The following PCDH9 variants were observed in gnomAD, a reference collection of about 807,000 sequenced individuals.
PCDH9 encodes the protein protocadherin 9, also known as protocadherin-9.
In PCDH9, 24 loss-of-function variants were observed where a neutral mutation model predicts 70.6. The ratio of observed to expected loss-of-function variants is 0.34; its 90% CI spans 0.25 to 0.48. PCDH9 has a LOEUF of 0.48. PCDH9 is among the 20% of genes least tolerant of loss of function. PCDH9 has a pLI of 0.99. For missense variants in PCDH9, 1,281 were observed against 1,503.6 expected, an observed-to-expected ratio of 0.85 and a Z score of 2.45; for synonymous variants, 562 against 558.5, an observed-to-expected ratio of 1.01 and a Z score of -0.09.
At chr13:66,332,835 T>C (rs1281689981) in intron 4 of PCDH9, among the ~76,000 whole-genome samples, 1 of 151,472 alleles carries the variant, frequency 6.6e-6, no homozygotes, top group Non-Finnish European at 1.5e-5. Context: ...TATATATATA[T>C]ATAAAATCAC....
At chr13:66,369,071 G>T (rs907549219) in intron 4 of PCDH9, among the ~76,000 whole-genome samples, 9 of 152,082 alleles carry the variant, frequency 5.9e-5, no homozygotes, top group African/African-American at 1.9e-4. Context: ...AACTAAGAAA[G>T]TTCAAAGAGA....
At chr13:66,435,254 C>G (rs1298567193) in intron 4 of PCDH9, among the ~76,000 whole-genome samples, 1 of 152,058 alleles carries the variant, frequency 6.6e-6, no homozygotes, top group African/African-American at 2.4e-5. Context: ...GTGTCTATAT[C>G]TGGTTTCTTT....
chr13:66,462,589 A>G (rs1322949534), intron 4 of PCDH9, among the ~76,000 whole-genome samples: 1 of 151,806 alleles, frequency 6.6e-6, no homozygotes, highest in Non-Finnish European at 1.5e-5. Context: ...CTAGCCCTGG[A>G]GATTGTGACT....
At chr13:66,657,447 A>T (rs975011583) in intron 3 of PCDH9, among the ~76,000 whole-genome samples, 1 of 152,198 alleles carries the variant, frequency 6.6e-6, no homozygotes, top group African/African-American at 2.4e-5. Context: ...ATGGAGAACA[A>T]AGAGACTGGC....
At chr13:67,179,123 C>G (rs571547940) in intron 2 of PCDH9, among the ~76,000 whole-genome samples, 1 of 152,110 alleles carries the variant, frequency 6.6e-6, no homozygotes, top group South Asian at 2.1e-4. Flanking sequence ...TTGATTATTA[C>G]TATGTCCTAG....
At chr13:66,816,917 C>G (rs559940503) in intron 3 of PCDH9, among the ~76,000 whole-genome samples, 1 of 150,128 alleles carries the variant, frequency 6.7e-6, no homozygotes, top group Non-Finnish European at 1.5e-5. Flanking sequence ...ATAATGTGAG[C>G]TGACTATAAG....
chr13:66,730,951 T>C (rs2079071903), intron 3 of PCDH9, among the ~76,000 whole-genome samples: 1 of 145,920 alleles, frequency 6.9e-6, no homozygotes, highest in Non-Finnish European at 1.5e-5. Flanking sequence ...CTCAAACTTC[T>C]GGCTTTAAGC....
rs748360527 is a variant in PCDH9 at position 66,342,775 on chromosome 13, GATTTATTGTATTT to G, written c.3341-37760_3341-37748del. Among the ~76,000 whole-genome samples the G allele has an allele frequency of 7.9e-3, 1,161 of 147,260 alleles. 9 individuals are homozygous for G. The highest frequency in any genetic ancestry group is 0.011 in the Non-Finnish European group (739 of 66,546). On this transcript the variant is annotated intron_variant, in intron 4 of 4. Transcript: ENST00000377865. The stretch of plus-strand genomic sequence containing the variant: ...CAGGCTCCCGCCACCACATCCGGCT[GATTTATTGTATTT>G]ATTTATTGTATTTATTTATTTATTT...
intron 4 of PCDH9, among the ~76,000 whole-genome samples, chr13:66,627,273 G>A (rs974174162): frequency 7.9e-5 from 12 of 151,908 alleles, no homozygotes; most frequent in African/African-American, 1.5e-4. Context: ...ATCAAAGCCC[G>A]GTCAACAAAT....
In PCDH9 at chr13:66,946,913, G is replaced by A. The variant is rs541582735; in HGVS notation, c.3037-43308C>T. 8.5e-5 allele frequency among the ~76,000 whole-genome samples: 13 copies of A among 152,208 alleles called. No individual in the cohort carries two copies. In the East Asian group the frequency reaches 2.1e-3, roughly 25 times the overall value. On this transcript the variant is annotated intron_variant, in intron 2 of 4. Coordinates refer to ENST00000377865, the MANE Select transcript of PCDH9 (RefSeq NM_203487.3). ...AATTTATGTTGAATAAATGTACTAT[G>A]TTTGTGTTATGAATCTTTCTTCCTT...
chr13:66,631,150 C>T, intron 4 of PCDH9, 60 bp downstream of exon 4: 1 of 827,426 alleles, frequency 1.2e-6, no homozygotes, highest in African/African-American at 1.7e-5. Flanking sequence ...TTTTTGAAAG[C>T]TCAAGTGCAC....
intron 3 of PCDH9, among the ~76,000 whole-genome samples, chr13:66,710,416 T>C (rs1455112479): frequency 6.6e-6 from 1 of 152,124 alleles, no homozygotes. Flanking sequence ...ACACCGATGC[T>C]CTTTGCTATG....
At chr13:66,831,823 A>C (rs2080930593) in intron 3 of PCDH9, among the ~76,000 whole-genome samples, 1 of 152,142 alleles carries the variant, frequency 6.6e-6, no homozygotes, top group African/African-American at 2.4e-5. Flanking sequence ...ATTTTACCCT[A>C]GTATAAGAAG....
intron 4 of PCDH9, among the ~76,000 whole-genome samples, chr13:66,493,183 G>A (rs1959059916): frequency 6.6e-6 from 1 of 152,128 alleles, no homozygotes; most frequent in African/African-American, 2.4e-5. Flanking sequence ...TTGCAGACTT[G>A]AAGTAAATCT....
intron 3 of PCDH9, among the ~76,000 whole-genome samples, chr13:66,866,412 G>A (rs951088050): frequency 1.3e-5 from 2 of 151,732 alleles, no homozygotes; most frequent in African/African-American, 4.8e-5. Flanking sequence ...AACCCGGGAG[G>A]CAGAGCTTGC....
intron 2 of PCDH9, among the ~76,000 whole-genome samples, chr13:66,994,124 A>G (rs1347999279): frequency 2.6e-5 from 4 of 152,188 alleles, no homozygotes; most frequent in Admixed American, 2.0e-4. Context: ...GTTATCAGAG[A>G]CTAAAAGTCT....
chr13:66,655,846 CTT>C (rs2077920789), intron 3 of PCDH9, among the ~76,000 whole-genome samples: 1 of 152,110 alleles, frequency 6.6e-6, no homozygotes, highest in Non-Finnish European at 1.5e-5. Flanking sequence ...GACTGAATGT[CTT>C]TATTTTCCGC....
At chr13:67,079,961 C>A (rs1024359951) in intron 2 of PCDH9, among the ~76,000 whole-genome samples, 3 of 152,158 alleles carry the variant, frequency 2.0e-5, no homozygotes, top group Admixed American at 2.0e-4. Flanking sequence ...TATGATCTCC[C>A]CAGCCCTCTG....
intron 3 of PCDH9, among the ~76,000 whole-genome samples, chr13:66,659,721 C>T (rs1566487899): frequency 1.3e-5 from 2 of 152,008 alleles, no homozygotes; most frequent in South Asian, 2.1e-4. Context: ...CCTCCTTCCC[C>T]GATCTCTTAA....
Sources: allele counts gnomAD v4.1 joint callset (sites outside exome capture counted in the v4.1 genomes callset), GRCh38; gene constraint gnomAD v4.1.1; transcripts MANE v1.5; gene names NCBI Gene and HGNC (gene_info 2026-07-23, HGNC 2026-07-21).